Variants in ARHGEF28 observed in about 807,000 individuals in gnomAD.
ARHGEF28 encodes the protein Rho guanine nucleotide exchange factor 28, also known as 190 kDa guanine nucleotide exchange factor.
A neutral mutation model predicts 206.6 loss-of-function variants in ARHGEF28; 152 were observed. The ratio of observed to expected loss-of-function variants is 0.74; its 90% CI spans 0.64 to 0.84. The LOEUF (loss-of-function observed/expected upper bound fraction) is 0.84, where lower values mean the gene tolerates loss of function less well. ARHGEF28 is among the 40% of genes least tolerant of loss of function. The pLI, the probability that ARHGEF28 is intolerant of heterozygous loss-of-function variation, is 0.00. For missense variants in ARHGEF28, 2,028 were observed against 2,073.2 expected (o/e 0.98, Z 0.42); for synonymous variants, 763 against 776.4 (o/e 0.98, Z 0.29).
rs116407486 is a variant in ARHGEF28, at chr5:73,911,778, C to G, written c.4948+203C>G. 9.7e-3 allele frequency: 5,668 copies of G among 582,666 alleles called. 70 individuals carry two copies. The highest frequency in any genetic ancestry group is 0.04 in the South Asian group (1,798 of 45,068). The allele number at this position is 582,666 out of a possible 1,614,324, so 36.1% of individuals were successfully genotyped here. A position where few individuals can be genotyped will look rare whatever the true frequency, so the allele number is the denominator to read the frequency against. On this transcript the variant is annotated intron_variant, in intron 35 of 35. Transcript: ENST00000513042. ...TGTAAGTTACCTAGACAAGTGAGAC[C>G]ATGGTCATAGGGCTTAGAGAATGCT...
At chr5:73,755,238 T>C (rs1253179817) in intron 4 of ARHGEF28, among the ~76,000 whole-genome samples, 1 of 152,034 alleles carries the variant, frequency 6.6e-6, no homozygotes, top group African/African-American at 2.4e-5. Context: ...ATATAATGTT[T>C]TCTGGCTAAG....
chr5:73,840,805 C>T (rs760965405), intron 11 of ARHGEF28, 45 bp downstream of exon 11: 2 of 1,532,702 alleles, frequency 1.3e-6, no homozygotes, highest in South Asian at 2.5e-5. Flanking sequence ...CATCAAAGAA[C>T]CTTATAGGTA....
At position 73,875,060 on chromosome 5, in the gene ARHGEF28, C is replaced by T. The variant is rs1202330843; in HGVS notation, c.2814+1814C>T. Among the ~76,000 whole-genome samples the T allele has an allele frequency of 1.7e-3, 262 of 150,116 alleles. 1 individual carries two copies. Among genetic ancestry groups the T allele is most frequent in the African/African-American group, 5.9e-3 (242 of 40,846 alleles). Reference sequence around the variant, plus strand: ...ACAGTGTAAAAGTGTTCCCATTTCTCCACATCCTCTCCAGCACCTGTTGTT... The same window carrying T: ...ACAGTGTAAAAGTGTTCCCATTTCTTCACATCCTCTCCAGCACCTGTTGTT... On this transcript the variant is annotated intron_variant, in intron 22 of 35. Transcript: ENST00000513042.
intron 11 of ARHGEF28, among the ~76,000 whole-genome samples, chr5:73,842,293 C>G (rs1216027426): frequency 6.6e-6 from 1 of 152,032 alleles, no homozygotes; most frequent in Non-Finnish European, 1.5e-5. Flanking sequence ...ATAAATATTT[C>G]TCTGTGAATG....
chr5:73,698,837 C>T (rs369029506), intron 2 of ARHGEF28, among the ~76,000 whole-genome samples: 1 of 151,596 alleles, frequency 6.6e-6, no homozygotes, highest in Non-Finnish European at 1.5e-5. Context: ...AAGGGTGGTC[C>T]AAGGAGAAGG....
chr5:73,720,419 C>T (rs1014944380), intron 2 of ARHGEF28, among the ~76,000 whole-genome samples: 2 of 151,980 alleles, frequency 1.3e-5, no homozygotes, highest in African/African-American at 4.8e-5. Flanking sequence ...AAGGAGTAGT[C>T]ATCAAAAATA....
chr5:73,655,482 G>A (rs1019738400), intron 1 of ARHGEF28, among the ~76,000 whole-genome samples: 1 of 152,170 alleles, frequency 6.6e-6, no homozygotes, highest in African/African-American at 2.4e-5. Context: ...TGGTATCTTA[G>A]TCTAATTTCC....
intron 2 of ARHGEF28, among the ~76,000 whole-genome samples, chr5:73,731,483 T>C (rs1027420371): frequency 5.9e-5 from 9 of 152,342 alleles, no homozygotes; most frequent in Middle Eastern, 3.4e-3. Flanking sequence ...ATTGGGATAC[T>C]GTGGCACAGT....
intron 1 of ARHGEF28, among the ~76,000 whole-genome samples, chr5:73,669,832 A>G (rs1342250489): frequency 6.6e-6 from 1 of 152,110 alleles, no homozygotes; most frequent in Admixed American, 6.5e-5. Context: ...GATTACAAGC[A>G]TGCACCACCA....
At chr5:73,881,822 A>C (rs1760970831) in intron 22 of ARHGEF28, among the ~76,000 whole-genome samples, 1 of 152,246 alleles carries the variant, frequency 6.6e-6, no homozygotes, top group African/African-American at 2.4e-5. Flanking sequence ...GTTTTTCTAC[A>C]GGTAAGGCTT....
At chr5:73,752,560 C>G (rs1051204171) in intron 3 of ARHGEF28, among the ~76,000 whole-genome samples, 2 of 152,040 alleles carry the variant, frequency 1.3e-5, no homozygotes, top group African/African-American at 2.4e-5. Flanking sequence ...TGGAAAAGAG[C>G]AAAGGACTTG....
chr5:73,664,882 T>C (rs1398132696), intron 1 of ARHGEF28, among the ~76,000 whole-genome samples: 1 of 152,160 alleles, frequency 6.6e-6, no homozygotes, highest in Non-Finnish European at 1.5e-5. Flanking sequence ...ATTTTTTTCT[T>C]CTTCTCATAT....
At chr5:73,877,159 T>G (rs1216578161) in intron 22 of ARHGEF28, among the ~76,000 whole-genome samples, 2 of 148,360 alleles carry the variant, frequency 1.3e-5, no homozygotes, top group Non-Finnish European at 3.0e-5. Flanking sequence ...GAAGAGTGTA[T>G]GTGTCGAGGA....
chr5:73,802,511 A>C (rs571626133), intron 9 of ARHGEF28, among the ~76,000 whole-genome samples: 10 of 152,332 alleles, frequency 6.6e-5, no homozygotes, highest in Middle Eastern at 3.4e-3. Flanking sequence ...CTTCTCCAAA[A>C]TAAGATCCTT....
chr5:73,672,468 A>G (rs774760887), intron 1 of ARHGEF28, among the ~76,000 whole-genome samples: 48 of 152,292 alleles, frequency 3.2e-4, no homozygotes, highest in Admixed American at 7.2e-4. Flanking sequence ...TGTAGATCAT[A>G]TTATCCCAAC....
rs778307352 is a variant in ARHGEF28 at position 73,898,014 on chromosome 5, A to G, written c.3894A>G (p.Gln1298=). 106 of 1,607,288 alleles carry G rather than the reference A, an allele frequency of 6.6e-5. No homozygotes were observed. Among genetic ancestry groups the G allele is most frequent in the Non-Finnish European group, 8.1e-5 (95 of 1,176,762 alleles). The part of the protein sequence containing the change: ...VKASQMGAVS[Q]SCEDSCGDSV... ...CCTCACAGATGGGCGCCGTGAGTCA[A>G]TCATGTGAGGACAGTTGTGGAGACT... The change falls in exon 30 of 36, where the codon CAA becomes CAG. Residue 1298 remains glutamine, a synonymous_variant. Transcript: ENST00000513042.
At chr5:73,732,385 T>G (rs1355608037) in intron 2 of ARHGEF28, among the ~76,000 whole-genome samples, 2 of 152,132 alleles carry the variant, frequency 1.3e-5, no homozygotes, top group African/African-American at 4.8e-5. Context: ...CCTTCATGTC[T>G]TTTCATGACT....
chr5:73,830,257 A>T lies in ARHGEF28; in HGVS notation c.1025-2081A>T, dbSNP rs530117219. 3.0e-3 allele frequency among the ~76,000 whole-genome samples: 452 copies of T among 152,254 alleles called. 1 individual carries two copies. The highest frequency in any genetic ancestry group is 0.014 in the Middle Eastern group (4 of 294). ...CTTTCTGGATTTCAGAATTGCAGTT[A>T]AGACAATGTAGACTGGCCGGGCGTG... On this transcript the variant is annotated intron_variant, in intron 9 of 35. Transcript: ENST00000513042.
chr5:73,885,711 C>A, intron 24 of ARHGEF28, 139 bp from the exon 25 acceptor site: 1 of 998,302 alleles, frequency 1.0e-6, no homozygotes, highest in Non-Finnish European at 1.4e-6. Context: ...TAAGTTTAAT[C>A]CAACATTTTT....
Sources: allele counts gnomAD v4.1 joint callset (sites outside exome capture counted in the v4.1 genomes callset), GRCh38; gene constraint gnomAD v4.1.1; transcripts MANE v1.5; gene names NCBI Gene and HGNC (gene_info 2026-07-23, HGNC 2026-07-21).